Variants in MYO5C observed in about 807,000 individuals in gnomAD.
MYO5C encodes the protein myosin VC, also known as unconventional myosin-Vc.
In MYO5C, 194 loss-of-function variants were observed where a neutral mutation model predicts 235.7. The ratio of observed to expected loss-of-function variants is 0.82; its 90% CI spans 0.73 to 0.93. The LOEUF (loss-of-function observed/expected upper bound fraction) is 0.93. MYO5C is among the 40% of genes least tolerant of loss of function. The probability of loss-of-function intolerance (pLI) is 0.00; values close to 1 mark genes in which losing one functional copy is unlikely to be tolerated. For missense variants in MYO5C, 2,038 were observed against 2,127.2 expected, an observed-to-expected ratio of 0.96 and a Z score of 0.82; for synonymous variants, 707 against 754.8, an observed-to-expected ratio of 0.94 and a Z score of 1.04.
At chr15:52,251,572 G>A (rs546804032) in intron 12 of MYO5C, 57 bp from the exon 13 acceptor site, 37 of 1,449,670 alleles carry the variant, frequency 2.6e-5, no homozygotes, top group Non-Finnish European at 3.2e-5. Context: ...TCATACAGGT[G>A]AGGAAAAGCA....
At chr15:52,286,044 C>T (rs1396843222) in intron 1 of MYO5C, among the ~76,000 whole-genome samples, 6 of 152,018 alleles carry the variant, frequency 3.9e-5, no homozygotes, top group African/African-American at 1.4e-4. Flanking sequence ...TCTGCCCTGC[C>T]GCCCCGTCTG....
chr15:52,204,730 G>A (rs1484689416), intron 38 of MYO5C, 135 bp downstream of exon 38: 7 of 1,108,828 alleles, frequency 6.3e-6, no homozygotes, highest in Admixed American at 5.6e-5. Context: ...AGGGTGACTC[G>A]AATATCCCTA....
At chr15:52,207,645 GAC>G (rs933302487) in intron 36 of MYO5C, among the ~76,000 whole-genome samples, 18 of 152,120 alleles carry the variant, frequency 1.2e-4, no homozygotes, top group Non-Finnish European at 2.2e-4. Flanking sequence ...AATTTCTTAA[GAC>G]ACAAATCATA....
intron 23 of MYO5C, among the ~76,000 whole-genome samples, chr15:52,234,511 C>G (rs1287133868): frequency 1.3e-5 from 2 of 152,004 alleles, no homozygotes; most frequent in Non-Finnish European, 2.9e-5. Flanking sequence ...AACAACCACC[C>G]AAGAGGAGTG....
At position 52,292,869 on chromosome 15, in the gene MYO5C, G is replaced by A. The variant is rs114237979; in HGVS notation, c.27+2741C>T. On this transcript the variant is annotated intron_variant, in intron 1 of 40. Transcript: ENST00000261839. ...ACAGAGGCTCAGACAGGTGGAGTTCGTGTGCCAAGGCACGCAGTGGCAACG... is the reference window on the plus strand; with the variant it reads ...ACAGAGGCTCAGACAGGTGGAGTTCATGTGCCAAGGCACGCAGTGGCAACG... 5.3e-5 allele frequency among the ~76,000 whole-genome samples: 8 copies of A among 152,356 alleles called. 1 individual carries two copies. Among genetic ancestry groups the A allele is most frequent in the Middle Eastern group, 6.8e-3 (2 of 294 alleles).
intron 38 of MYO5C, among the ~76,000 whole-genome samples, chr15:52,197,792 C>A (rs1445050918): frequency 6.6e-6 from 1 of 151,906 alleles, no homozygotes; most frequent in Non-Finnish European, 1.5e-5. Context: ...CCTGCCACTA[C>A]ACCCGGCTAA....
intron 10 of MYO5C, among the ~76,000 whole-genome samples, chr15:52,257,220 T>G (rs1482470789): frequency 6.6e-6 from 1 of 152,222 alleles, no homozygotes; most frequent in East Asian, 1.9e-4. Context: ...TTTGCCTCCC[T>G]AAGGGGTGCT....
chr15:52,228,113 A>T (rs2035868725), intron 25 of MYO5C, among the ~76,000 whole-genome samples: 1 of 151,968 alleles, frequency 6.6e-6, no homozygotes, highest in African/African-American at 2.4e-5. Flanking sequence ...GCCCAGGAAT[A>T]TTTATATATT....
Position 52,193,628 on chromosome 15 carries a change from G to C in MYO5C, c.*274C>G. 1 of 380,958 alleles carries C rather than the reference G, an allele frequency of 2.6e-6. No homozygotes were observed. The highest frequency in any genetic ancestry group is 4.7e-6 in the Non-Finnish European group (1 of 211,410). 23.6% of individuals were successfully genotyped at this position (380,958 alleles called of 1,614,324 possible). On this transcript the variant is annotated 3_prime_UTR_variant, in exon 41 of 41. Coordinates refer to ENST00000261839, the MANE Select transcript of MYO5C (RefSeq NM_018728.4). The stretch of plus-strand genomic sequence containing the variant: ...AGAACAGATCAAGAGGCACGTGGAA[G>C]AAAATATGAGCCCTCCAGGAATTTC...
At chr15:52,206,251 T>C (rs1038903077) in intron 36 of MYO5C, among the ~76,000 whole-genome samples, 2 of 152,152 alleles carry the variant, frequency 1.3e-5, no homozygotes, top group Non-Finnish European at 2.9e-5. Flanking sequence ...TGGAAGCGCA[T>C]AGGAAAATGA....
chr15:52,229,379 C>T, intron 24 of MYO5C, 66 bp from the exon 25 acceptor site: 1 of 1,494,102 alleles, frequency 6.7e-7, no homozygotes, highest in Non-Finnish European at 9.1e-7. Flanking sequence ...AATCCCAGCA[C>T]TTTGGGAGGC....
At chr15:52,206,588 G>C (rs865886455) in intron 36 of MYO5C, among the ~76,000 whole-genome samples, 1 of 152,134 alleles carries the variant, frequency 6.6e-6, no homozygotes, top group Admixed American at 6.5e-5. Context: ...CCTGACCCAT[G>C]CACCCAGGAA....
chr15:52,295,542 A>T (rs1156575241), intron 1 of MYO5C, 68 bp downstream of exon 1: 2 of 1,480,834 alleles, frequency 1.4e-6, no homozygotes, highest in African/African-American at 1.5e-5. Context: ...CCCGGGCGCC[A>T]GGTCGAGTCA....
chr15:52,216,989 G>A (rs2035569820), intron 32 of MYO5C, among the ~76,000 whole-genome samples: 2 of 152,190 alleles, frequency 1.3e-5, no homozygotes. Context: ...TAGAGACTTC[G>A]GAGGAGTGTG....
chr15:52,232,494 C>T, intron 24 of MYO5C, 128 bp downstream of exon 24: 1 of 824,658 alleles, frequency 1.2e-6, no homozygotes, highest in Non-Finnish European at 2.0e-6. Flanking sequence ...TCTCTAATCT[C>T]ACTTCCTAAA....
At chr15:52,207,426 T>C (rs1481821612) in intron 36 of MYO5C, among the ~76,000 whole-genome samples, 2 of 152,256 alleles carry the variant, frequency 1.3e-5, no homozygotes, top group Non-Finnish European at 2.9e-5. Context: ...TCTTTACTTC[T>C]CCTTTTGTTC....
At chr15:52,286,753 G>A (rs1179787829) in intron 1 of MYO5C, among the ~76,000 whole-genome samples, 3 of 151,838 alleles carry the variant, frequency 2.0e-5, no homozygotes, top group Non-Finnish European at 4.4e-5. Context: ...CATGCTCGTT[G>A]AGAGTCATCA....
chr15:52,286,415 C>T lies in MYO5C; in HGVS notation c.28-3523G>A, dbSNP rs1414230798. On this transcript the variant is annotated intron_variant, in intron 1 of 40. Transcript: ENST00000261839. ...CTGGGAAGTGAGGAGCCCCTCTGCC[C>T]GGCCACCACCCCGTCTGGGAGGTGT... Among the ~76,000 whole-genome samples, 18 of 152,190 alleles carry T rather than the reference C, an allele frequency of 1.2e-4. No individual in the cohort carries two copies. The East Asian group carries it at 1.5e-3, about 13-fold the overall frequency.
At chr15:52,269,709 T>TA (rs1326695517) in intron 8 of MYO5C, 44 bp downstream of exon 8, 4 of 1,341,860 alleles carry the variant, frequency 3.0e-6, no homozygotes, top group Non-Finnish European at 3.1e-6. Flanking sequence ...TTTTTTTTTT[T>TA]AAGAGAAAAT....
Sources: gnomAD v4.1 joint callset for allele counts (sites outside exome capture counted in the v4.1 genomes callset) on GRCh38, gnomAD v4.1.1 for gene constraint, MANE v1.5 for transcripts, NCBI Gene and HGNC (gene_info 2026-07-23, HGNC 2026-07-21) for gene names.